The following SCARB2 variants were observed in gnomAD, a reference collection of about 807,000 sequenced individuals.
SCARB2 encodes scavenger receptor class B member 2.
In SCARB2, 29 loss-of-function variants were observed where a neutral mutation model predicts 58.6. The observed-to-expected ratio is 0.49, with a 90% CI of 0.37 to 0.67. The LOEUF (loss-of-function observed/expected upper bound fraction) is 0.67. SCARB2 is among the 30% of genes least tolerant of loss of function. The pLI, the probability that SCARB2 is intolerant of heterozygous loss-of-function variation, is 0.00. For missense variants in SCARB2, 488 were observed against 578.5 expected (o/e 0.84, Z 1.60); for synonymous variants, 195 against 210.1 (o/e 0.93, Z 0.62).
At chr4:76,218,049 C>T (rs759882796), upstream of SCARB2, among the ~76,000 whole-genome samples, 5 of 152,178 alleles carry the variant, frequency 3.3e-5, no homozygotes, top group African/African-American at 7.2e-5. Flanking sequence ...CACCACAGGC[C>T]GGGCCAGGTG....
chr4:76,177,427 G>T (rs1732272757), intron 4 of SCARB2, among the ~76,000 whole-genome samples: 1 of 151,918 alleles, frequency 6.6e-6, no homozygotes, highest in African/African-American at 2.4e-5. Context: ...ATATAAAAAT[G>T]TTGCAGTCAC....
intron 1 of SCARB2, among the ~76,000 whole-genome samples, chr4:76,222,929 G>A (rs1733335506): frequency 6.6e-6 from 1 of 152,186 alleles, no homozygotes; most frequent in Admixed American, 6.5e-5. Flanking sequence ...AGGGGGGGAA[G>A]AGGCCCAGGT....
intron 11 of SCARB2, 143 bp from the exon 12 acceptor site, chr4:76,161,894 GGCT>G: frequency 1.3e-6 from 1 of 746,582 alleles, no homozygotes; most frequent in Non-Finnish European, 2.3e-6. Context: ...TCCCCTCTTG[GGCT>G]GCTGCTTGTT....
rs137990520 is a variant in SCARB2 at position 76,191,291 on chromosome 4, A to G, written c.275+4416T>C. The stretch of plus-strand genomic sequence containing the variant: ...CAACAGGGTTCATCTTTATAATTCT[A>G]CATATTGACTTGTACAGACTAAAAC... On this transcript the variant is annotated intron_variant, in intron 2 of 11. Transcript: ENST00000264896. 7.2e-5 allele frequency among the ~76,000 whole-genome samples: 11 copies of G among 152,342 alleles called. No homozygotes were observed. In the East Asian group the frequency reaches 2.1e-3, roughly 29 times the overall value.
At chr4:76,196,908 T>C (rs1228623726) in intron 1 of SCARB2, among the ~76,000 whole-genome samples, 3 of 152,124 alleles carry the variant, frequency 2.0e-5, no homozygotes, top group Admixed American at 6.5e-5. Flanking sequence ...GTGCCTGTAT[T>C]TGGAGTCGGG....
chr4:76,190,684 T>TGAGGCA (rs1323936599), intron 2 of SCARB2, among the ~76,000 whole-genome samples: 1 of 152,136 alleles, frequency 6.6e-6, no homozygotes, highest in African/African-American at 2.4e-5. Flanking sequence ...CGGGGGAGGC[T>TGAGGCA]GAGGCAGAAG....
upstream of SCARB2, among the ~76,000 whole-genome samples, chr4:76,214,748 A>G (rs542707526): frequency 6.6e-6 from 1 of 152,298 alleles, no homozygotes; most frequent in East Asian, 1.9e-4. Context: ...GTTTCTTTGC[A>G]CAGTTCTACT....
intron 8 of SCARB2, among the ~76,000 whole-genome samples, chr4:76,168,687 A>C (rs1732065510): frequency 6.6e-6 from 1 of 152,236 alleles, no homozygotes; most frequent in African/African-American, 2.4e-5. Flanking sequence ...TGTCTCAAAC[A>C]TGAGTATGAA....
chr4:76,226,103 C>T (rs1432511903), intron 1 of SCARB2, among the ~76,000 whole-genome samples: 11 of 83,472 alleles, frequency 1.3e-4, no homozygotes, highest in East Asian at 6.2e-4. Context: ...CTATGAAGTC[C>T]GACGGAGTCA....
chr4:76,213,635 G>T lies in SCARB2; in HGVS notation c.-92C>A, dbSNP rs1335875358. On this transcript the variant is annotated 5_prime_UTR_variant, in exon 1 of 12. Coordinates refer to ENST00000264896, the MANE Select transcript of SCARB2 (RefSeq NM_005506.4). ...GCCGCCGCAGAGGCGTCGAAGACCC[G>T]GGACCCTTCGGCGCCACGCCCACGC... is the stretch of plus-strand genomic sequence containing the variant. 3.1e-6 allele frequency: 3 copies of T among 977,034 alleles called. No homozygotes were observed. Among genetic ancestry groups the T allele is most frequent in the South Asian group, 2.8e-5 (2 of 72,388 alleles). The allele number at this position is 977,034 out of a possible 1,614,324, so 60.5% of individuals were successfully genotyped here. A position where few individuals can be genotyped will look rare whatever the true frequency, so the allele number is the denominator to read the frequency against.
chr4:76,203,299 A>C (rs1732866398), intron 1 of SCARB2, among the ~76,000 whole-genome samples: 1 of 152,166 alleles, frequency 6.6e-6, no homozygotes, highest in African/African-American at 2.4e-5. Context: ...ATTTCTTAGA[A>C]TAGACTCCTA....
chr4:76,170,534 G>C (rs1732106891), intron 7 of SCARB2, among the ~76,000 whole-genome samples: 1 of 151,728 alleles, frequency 6.6e-6, no homozygotes, highest in Admixed American at 6.6e-5. Flanking sequence ...AAAAATTTTT[G>C]GTGGTTTTTT....
At chr4:76,167,672 TCC>T (rs57676252) in intron 9 of SCARB2, among the ~76,000 whole-genome samples, 3,655 of 50,438 alleles carry the variant, frequency 0.072, 170 homozygotes, top group African/African-American at 0.24. Context: ...CCTCCCTCCC[TCC>T]CCCCCCCCGC....
chr4:76,187,545 G>A lies in SCARB2; in HGVS notation c.276-6444C>T, dbSNP rs966670808. Among the ~76,000 whole-genome samples, 6 of 152,142 alleles carry A rather than the reference G, an allele frequency of 3.9e-5. No individual in the cohort carries two copies. The East Asian group carries it at 5.8e-4, about 15-fold the overall frequency. ...ATATAATCATCATTAAAATTCATTT[G>A]TATGAAGACCAAAATATAACATTGA... On this transcript the variant is annotated intron_variant, in intron 2 of 11. Transcript: ENST00000264896.
At chr4:76,185,557 G>A (rs1732467618) in intron 2 of SCARB2, among the ~76,000 whole-genome samples, 3 of 152,288 alleles carry the variant, frequency 2.0e-5, no homozygotes, top group South Asian at 4.2e-4. Context: ...AATCAGGCAG[G>A]AAAATTCATG....
rs1388164444 is a variant in SCARB2, at chr4:76,160,167, A to T, written c.*1546T>A. 6.6e-6 allele frequency: 1 copy of T among 152,200 alleles called. No individual in the cohort carries two copies. Among genetic ancestry groups the T allele is most frequent in the Admixed American group, 6.5e-5 (1 of 15,280 alleles). The allele number at this position is 152,200 out of a possible 1,614,324, so 9.4% of individuals were successfully genotyped here. A position where few individuals can be genotyped will look rare whatever the true frequency, so the allele number is the denominator to read the frequency against. ...AGAAAAAGGAAAAATTGTCAGTAAA[A>T]CAATTTATTACCTCAATACAGGGAT... On this transcript the variant is annotated 3_prime_UTR_variant, in exon 12 of 12. Transcript: ENST00000264896.
intron 1 of SCARB2, among the ~76,000 whole-genome samples, chr4:76,209,689 C>T (rs766541696): frequency 2.6e-5 from 4 of 152,190 alleles, no homozygotes; most frequent in South Asian, 4.1e-4. Flanking sequence ...CTTGAGGAAT[C>T]GGTAGAACAG....
chr4:76,176,748 C>A, intron 4 of SCARB2: 1 of 452,260 alleles, frequency 2.2e-6, no homozygotes, highest in South Asian at 3.4e-5. Context: ...GCCTTACAAG[C>A]AAAAACAGAG....
rs1311037416 is a variant in SCARB2 at position 76,169,875 on chromosome 4, T to C, written c.1105A>G (p.Ile369Val). ...NQEDHETFVD[I>V]NPLTGIILKA... ...AGGAAGTATGTACTCACAGGATTAATGTCCACAAATGTCTCATGGTCTTCC... is the reference window on the plus strand; with the variant it reads ...AGGAAGTATGTACTCACAGGATTAACGTCCACAAATGTCTCATGGTCTTCC... Residue 369 changes from isoleucine to valine, a missense_variant, in exon 8 of 12, where the codon ATT becomes GTT. Ile to Val is a conservative substitution (Grantham distance 29, BLOSUM62 3). Transcript: ENST00000264896. 7.5e-6 allele frequency: 12 copies of C among 1,610,286 alleles called. 1 individual carries two copies. In the South Asian group the frequency reaches 1.1e-4, roughly 15 times the overall value.
Sources: gnomAD v4.1 joint callset for allele counts (sites outside exome capture counted in the v4.1 genomes callset) on GRCh38, gnomAD v4.1.1 for gene constraint, MANE v1.5 for transcripts, NCBI Gene and HGNC (gene_info 2026-07-23, HGNC 2026-07-21) for gene names.